SH3YL1: variants seen among roughly 807,000 people sequenced by gnomAD.
The protein encoded by SH3YL1 is SH3 domain-containing YSC84-like protein 1.
Under a neutral mutation model 45.8 loss-of-function variants are expected in SH3YL1, and 41 were observed. The observed-to-expected ratio is 0.89, with a 90% confidence interval of 0.70 to 1.16. The LOEUF is 1.16. Among genes scored for constraint, SH3YL1 ranks in the 50% most tolerant of loss-of-function variants. The pLI is 0.00. For missense variants in SH3YL1, 389 were observed against 409.6 expected (o/e 0.95, Z 0.43); for synonymous variants, 152 against 151.4 (o/e 1.00, Z -0.03).
rs888779488 is a variant in SH3YL1 at position 264,006 on chromosome 2, C to T, written c.-22G>A. The T allele has an allele frequency of 6.2e-6, 9 of 1,447,830 alleles. No homozygotes were observed. Among genetic ancestry groups the T allele is most frequent in the Admixed American group, 2.6e-5 (1 of 37,824 alleles). 89.7% of individuals were successfully genotyped at this position (1,447,830 alleles called of 1,614,324 possible). ...CACTGCTGCCCGCCCGGCCGCGGCG[C>T]CCCGTCCCGAGGCTGCCCAGGAAGA... On this transcript the variant is annotated 5_prime_UTR_variant, in exon 1 of 10. Coordinates refer to ENST00000356150, the MANE Select transcript of SH3YL1 (RefSeq NM_015677.4).
At chr2:227,563 A>G (rs970431169) in intron 8 of SH3YL1, among the ~76,000 whole-genome samples, 6 of 152,196 alleles carry the variant, frequency 3.9e-5, no homozygotes, top group African/African-American at 1.4e-4. Context: ...AAACCAACAA[A>G]TAACAAATAA....
intron 9 of SH3YL1, among the ~76,000 whole-genome samples, chr2:224,264 T>C (rs1667701113): frequency 6.6e-6 from 1 of 152,192 alleles, no homozygotes; most frequent in South Asian, 2.1e-4. Flanking sequence ...GTAAGACAGA[T>C]TGAAGGACCA....
At chr2:257,284 T>G (rs1485444959) in intron 1 of SH3YL1, among the ~76,000 whole-genome samples, 1 of 152,224 alleles carries the variant, frequency 6.6e-6, no homozygotes, top group Non-Finnish European at 1.5e-5. Flanking sequence ...GCTTTTGGCA[T>G]CTTTATCATA....
chr2:240,455 C>T (rs1415731439), intron 4 of SH3YL1: 2 of 152,222 alleles, frequency 1.3e-5, no homozygotes, highest in East Asian at 3.9e-4. Context: ...AAAAATGATG[C>T]TTTTGGTGAT....
chr2:235,402 TGGGC>T (rs1668246166), intron 4 of SH3YL1, among the ~76,000 whole-genome samples: 1 of 44,946 alleles, frequency 2.2e-5, no homozygotes, highest in East Asian at 7.3e-4. Flanking sequence ...GGAGGCAGCA[TGGGC>T]CAGGGGAGGC....
chr2:258,516 T>C (rs1032646601), intron 1 of SH3YL1, among the ~76,000 whole-genome samples: 4 of 152,218 alleles, frequency 2.6e-5, no homozygotes, highest in African/African-American at 9.6e-5. Flanking sequence ...TCCTTTCTAG[T>C]AAAACAGGAT....
intron 1 of SH3YL1, among the ~76,000 whole-genome samples, chr2:253,856 C>T (rs928718970): frequency 2.0e-5 from 3 of 152,126 alleles, no homozygotes; most frequent in Admixed American, 6.5e-5. Flanking sequence ...ACAGCATAGC[C>T]TATCAAAGGA....
chr2:252,049 G>T (rs1226615110), intron 2 of SH3YL1, among the ~76,000 whole-genome samples: 2 of 152,096 alleles, frequency 1.3e-5, no homozygotes, highest in African/African-American at 4.8e-5. Flanking sequence ...AACAGATAGT[G>T]GTTTTCAAAG....
chr2:253,358 G>T (rs368615430), intron 1 of SH3YL1, among the ~76,000 whole-genome samples: 4 of 152,166 alleles, frequency 2.6e-5, no homozygotes, highest in East Asian at 3.9e-4. Context: ...CGAAGACCTT[G>T]CTGATAAAAC....
intron 9 of SH3YL1, 24 bp from the exon 10 acceptor site, chr2:219,025 C>A: frequency 6.3e-7 from 1 of 1,587,702 alleles, no homozygotes; most frequent in Non-Finnish European, 8.6e-7. Context: ...AAAGTATTCA[C>A]GTTTATGTTC....
At chr2:222,195 G>A (rs1225560084) in intron 9 of SH3YL1, among the ~76,000 whole-genome samples, 1 of 152,134 alleles carries the variant, frequency 6.6e-6, no homozygotes, top group Non-Finnish European at 1.5e-5. Flanking sequence ...TTCAAGTTTA[G>A]TTGAAGTAGG....
intron 4 of SH3YL1, among the ~76,000 whole-genome samples, chr2:234,953 C>G (rs1284083342): frequency 6.6e-6 from 1 of 152,214 alleles, no homozygotes; most frequent in East Asian, 1.9e-4. Flanking sequence ...TCTGAGCTCA[C>G]TGCAACCTCC....
chr2:259,921 T>C (rs1669514876), intron 1 of SH3YL1: 1 of 151,980 alleles, frequency 6.6e-6, no homozygotes, highest in African/African-American at 2.4e-5. Context: ...TTTTTCAATT[T>C]CATAGTGGAA....
chr2:252,951 A>G (rs2103051608), intron 2 of SH3YL1, 54 bp downstream of exon 2: 2 of 1,145,232 alleles, frequency 1.7e-6, no homozygotes, highest in East Asian at 2.6e-5. Flanking sequence ...AATGCAAAAA[A>G]CAACTTAGGA....
In SH3YL1 at chr2:233,191, G is replaced by A. The variant is rs1215496309; in HGVS notation, c.443C>T (p.Ala148Val). The A allele has an allele frequency of 1.3e-6, 2 of 1,591,492 alleles. No individual in the cohort carries two copies. The highest frequency in any genetic ancestry group is 1.7e-6 in the Non-Finnish European group (2 of 1,166,938). The part of the protein sequence containing the change: ...EGNVALRSSA[A>V]VFTYCKSRGL... ...CCTTGACTTGCAGTACGTGAAGACG[G>A]CAGCGGAGCTTCTCAGGGCCACGTT... Residue 148 changes from alanine (A) to valine (V), a missense_variant, in exon 6 of 10, where the codon GCC becomes GTC. Physicochemically the swap from Ala to Val is moderately conservative, Grantham distance 64 (BLOSUM62 0). Transcript: ENST00000356150.
chr2:253,286 C>T (rs1169003942), intron 1 of SH3YL1, among the ~76,000 whole-genome samples, 171 bp from the exon 2 acceptor site: 1 of 152,080 alleles, frequency 6.6e-6, no homozygotes, highest in Non-Finnish European at 1.5e-5. Flanking sequence ...GGCTGCATTC[C>T]CAGAAGGTTA....
At chr2:262,622 G>A (rs541080184) in intron 1 of SH3YL1, 1 of 1,304,102 alleles carries the variant, frequency 7.7e-7, no homozygotes, top group Non-Finnish European at 1.0e-6. Flanking sequence ...TTATCATGAC[G>A]CCACTCACTG....
chr2:245,491 A>G (rs116590007), intron 4 of SH3YL1, among the ~76,000 whole-genome samples: 175 of 152,324 alleles, frequency 1.1e-3, no homozygotes, highest in African/African-American at 4.1e-3. Flanking sequence ...TTTACTGTAT[A>G]AATCCATATT....
At chr2:243,059 A>G (rs1296382919) in intron 4 of SH3YL1, among the ~76,000 whole-genome samples, 3 of 152,226 alleles carry the variant, frequency 2.0e-5, no homozygotes, top group Admixed American at 6.5e-5. Flanking sequence ...GAAGACATAG[A>G]CAATTTAACA....
Sources: gnomAD v4.1 joint callset for allele counts (sites outside exome capture counted in the v4.1 genomes callset) on GRCh38, gnomAD v4.1.1 for gene constraint, MANE v1.5 for transcripts, NCBI Gene and HGNC (gene_info 2026-07-23, HGNC 2026-07-21) for gene names.